The following NSUN2 variants were observed in gnomAD, a reference collection of about 807,000 sequenced individuals.
The protein encoded by NSUN2 is RNA cytosine C(5)-methyltransferase NSUN2.
A neutral mutation model predicts 92.7 loss-of-function variants in NSUN2; 63 were observed. The observed-to-expected ratio is 0.68, with a 90% confidence interval of 0.56 to 0.84. The LOEUF (loss-of-function observed/expected upper bound fraction) is 0.84. NSUN2 is among the 40% of genes least tolerant of loss of function. The probability of loss-of-function intolerance (pLI) is 0.00; values close to 1 mark genes in which losing one functional copy is unlikely to be tolerated. For missense variants in NSUN2, 989 were observed against 964.9 expected (o/e 1.02, Z -0.33); for synonymous variants, 356 against 348.3 (o/e 1.02, Z -0.25).
chr5:6,602,400 G>A (rs925664802), intron 18 of NSUN2, 61 bp downstream of exon 18: 148 of 1,522,678 alleles, frequency 9.7e-5, no homozygotes, highest in Non-Finnish European at 1.2e-4. Flanking sequence ...CCTCACCAAC[G>A]AGAACACTGT....
At chr5:6,611,161 A>G in intron 10 of NSUN2, 76 bp from the exon 11 acceptor site, 2 of 1,523,666 alleles carry the variant, frequency 1.3e-6, no homozygotes. Flanking sequence ...AGGAGTATCC[A>G]TTCTCTCAAA....
In NSUN2 at chr5:6,617,952, A is replaced by G. The variant is rs1230204284; in HGVS notation, c.888T>C (p.His296=). The G allele has an allele frequency of 6.2e-7, 1 of 1,612,084 alleles. No homozygotes were observed. Among genetic ancestry groups the G allele is most frequent in the East Asian group, 2.2e-5 (1 of 44,834 alleles). ...AGCAGTGATGAAGTTTTACTTACCC[A>G]TGTAGCTGCAAGCTATTTAAGGTGG... ...KWTTLNSLQL[H]GLQLRIATRG... Residue 296 remains histidine (H), a splice_region_variant and synonymous_variant, in exon 8 of 19, where the codon CAT becomes CAC. Coordinates refer to ENST00000264670, the MANE Select transcript of NSUN2 (RefSeq NM_017755.6).
rs1326086609 is a variant in NSUN2 at position 6,632,054 on chromosome 5, G to GC, written c.255-78dup. ...ATTGTATCTTCTTAAATTTAAGACT[G>GC]CAAGTGTTTTAAAACTAAAACCAAC... On this transcript the variant is annotated intron_variant, in intron 2 of 18. Coordinates refer to ENST00000264670, the MANE Select transcript of NSUN2 (RefSeq NM_017755.6). The GC allele has an allele frequency of 1.4e-5, 17 of 1,212,104 alleles. No individual in the cohort carries two copies. In the African/African-American group the frequency reaches 2.4e-4, roughly 17 times the overall value. 75.1% of individuals were successfully genotyped at this position (1,212,104 alleles called of 1,614,324 possible).
intron 18 of NSUN2, among the ~76,000 whole-genome samples, chr5:6,601,434 A>G (rs1005991993): frequency 1.3e-5 from 2 of 151,932 alleles, no homozygotes; most frequent in East Asian, 3.9e-4. Flanking sequence ...CAGGGTGCTC[A>G]TGCGCTCGGC....
chr5:6,626,080 G>A (rs910125236), intron 3 of NSUN2, among the ~76,000 whole-genome samples: 4 of 152,202 alleles, frequency 2.6e-5, no homozygotes, highest in Admixed American at 2.6e-4. Flanking sequence ...ATAATGCAGT[G>A]TCAGAGTGTC....
At chr5:6,625,478 G>A (rs539963420) in intron 4 of NSUN2, 86 bp downstream of exon 4, 2 of 945,938 alleles carry the variant, frequency 2.1e-6, no homozygotes, top group South Asian at 2.8e-5. Context: ...ACTGCTTCTA[G>A]TGACAAGAAC....
intron 9 of NSUN2, among the ~76,000 whole-genome samples, chr5:6,616,376 C>T (rs907550309): frequency 6.6e-6 from 1 of 152,200 alleles, no homozygotes; most frequent in East Asian, 1.9e-4. Flanking sequence ...CTCAAGGACG[C>T]TGCAGTAAGT....
intron 6 of NSUN2, 74 bp downstream of exon 6, chr5:6,621,942 G>T: frequency 7.7e-7 from 1 of 1,302,062 alleles, no homozygotes; most frequent in Non-Finnish European, 1.1e-6. Context: ...AGCAGGCAAA[G>T]TTAGAGTCTT....
chr5:6,604,447 C>G (rs1431343943), intron 16 of NSUN2, among the ~76,000 whole-genome samples, 158 bp downstream of exon 16: 3 of 152,034 alleles, frequency 2.0e-5, no homozygotes, highest in Non-Finnish European at 4.4e-5. Context: ...GAAACCAGCA[C>G]TCTGGGAGAG....
At chr5:6,626,591 C>T (rs1200016389) in intron 3 of NSUN2, among the ~76,000 whole-genome samples, 1 of 152,148 alleles carries the variant, frequency 6.6e-6, no homozygotes, top group Non-Finnish European at 1.5e-5. Flanking sequence ...TCGAGTGATC[C>T]GGCCGCATCA....
chr5:6,603,245 G>T (rs559477730), intron 17 of NSUN2, among the ~76,000 whole-genome samples: 1 of 152,336 alleles, frequency 6.6e-6, no homozygotes, highest in African/African-American at 2.4e-5. Context: ...TGAAGTGGAA[G>T]TTGATGAAAT....
intron 12 of NSUN2, 122 bp downstream of exon 12, chr5:6,609,704 C>T (rs1736910640): frequency 2.7e-6 from 2 of 732,946 alleles, no homozygotes; most frequent in Admixed American, 2.6e-5. Flanking sequence ...TCAGGGTCAG[C>T]TCTCCTGCTG....
chr5:6,600,018 C>T lies in NSUN2; in HGVS notation c.2212G>A (p.Ala738Thr). 1.2e-5 allele frequency: 20 copies of T among 1,614,236 alleles called. No individual in the cohort carries two copies. Among genetic ancestry groups the T allele is most frequent in the Non-Finnish European group, 1.7e-5 (20 of 1,180,018 alleles). ...PDNDVTEGQRAGEPNSPDAEE... is the reference protein window; with the variant it reads ...PDNDVTEGQRTGEPNSPDAEE... ...GCATCTGGGCTGTTGGGCTCTCCTG[C>T]TCTCTGTCCCTCAGTCACGTCATTG... Residue 738 changes from alanine (A) to threonine (T), a missense_variant, in exon 19 of 19, where the codon GCA (alanine) becomes ACA (threonine). Physicochemically the swap from Ala to Thr is moderately conservative, Grantham distance 58 (BLOSUM62 0). Transcript: ENST00000264670.
At chr5:6,611,117 T>C (rs375259632) in intron 10 of NSUN2, 32 bp from the exon 11 acceptor site, 46 of 1,613,760 alleles carry the variant, frequency 2.9e-5, no homozygotes, top group African/African-American at 2.7e-4. Context: ...TCCAGATTAC[T>C]AGCACTATCC....
intron 12 of NSUN2, among the ~76,000 whole-genome samples, chr5:6,607,763 G>A (rs1297591345): frequency 6.6e-6 from 1 of 152,042 alleles, no homozygotes; most frequent in Admixed American, 6.5e-5. Flanking sequence ...ACCCGGCAGG[G>A]GCAAAAAGAC....
At chr5:6,627,616 G>A (rs577751088) in intron 3 of NSUN2, among the ~76,000 whole-genome samples, 1 of 152,080 alleles carries the variant, frequency 6.6e-6, no homozygotes, top group African/African-American at 2.4e-5. Context: ...AATTGTGAAG[G>A]CTGTTGATCT....
At chr5:6,607,424 C>T (rs532386868) in intron 12 of NSUN2, 40 bp from the exon 13 acceptor site, 4 of 1,535,616 alleles carry the variant, frequency 2.6e-6, no homozygotes, top group South Asian at 2.4e-5. Flanking sequence ...CAAAGAGGAG[C>T]ATTCTTTGTG....
chr5:6,627,926 T>C (rs550368423), intron 3 of NSUN2, among the ~76,000 whole-genome samples: 3 of 152,344 alleles, frequency 2.0e-5, no homozygotes, highest in African/African-American at 7.2e-5. Flanking sequence ...AAAAATCCTA[T>C]TTGGGCTTTT....
intron 18 of NSUN2, among the ~76,000 whole-genome samples, chr5:6,601,600 A>ATCCC (rs3836784): frequency 0.36 from 54,117 of 150,814 alleles, 10,040 homozygotes; most frequent in East Asian, 0.56. Flanking sequence ...CCTCTTACCT[A>ATCCC]TCCCTCCTCC....
Sources: gnomAD v4.1 joint callset for allele counts (sites outside exome capture counted in the v4.1 genomes callset) on GRCh38, gnomAD v4.1.1 for gene constraint, MANE v1.5 for transcripts, NCBI Gene and HGNC (gene_info 2026-07-23, HGNC 2026-07-21) for gene names.